The following NDUFS4 variants were observed in gnomAD, a reference collection of about 807,000 sequenced individuals.
NDUFS4 encodes the protein NADH dehydrogenase [ubiquinone] iron-sulfur protein 4, mitochondrial.
Under a neutral mutation model 24.3 loss-of-function variants are expected in NDUFS4, and 28 were observed. The observed-to-expected ratio is 1.15, with a 90% confidence interval of 0.85 to 1.58. The LOEUF is 1.58. NDUFS4 is among the 40% of genes most tolerant of loss of function. The pLI is 0.00. For missense variants in NDUFS4, 223 were observed against 207.9 expected, an observed-to-expected ratio of 1.07 and a Z score of -0.45; for synonymous variants, 93 against 69.7, an observed-to-expected ratio of 1.34 and a Z score of -1.67.
chr5:53,614,718 G>A (rs1579875197), intron 2 of NDUFS4, among the ~76,000 whole-genome samples: 1 of 152,068 alleles, frequency 6.6e-6, no homozygotes, highest in East Asian at 1.9e-4. Flanking sequence ...TTTAAGCAGA[G>A]TAACTGTGTC....
At chr5:53,627,006 A>G (rs556436022) in intron 2 of NDUFS4, among the ~76,000 whole-genome samples, 2 of 137,244 alleles carry the variant, frequency 1.5e-5, no homozygotes, top group African/African-American at 2.6e-5. Context: ...TAGGGTTTTT[A>G]TAGCTTTAGG....
chr5:53,564,137 T>A (rs190057838), intron 1 of NDUFS4, among the ~76,000 whole-genome samples: 2 of 152,180 alleles, frequency 1.3e-5, no homozygotes, highest in Non-Finnish European at 2.9e-5. Context: ...TCTGTGGCTT[T>A]ATTCTGTTGC....
chr5:53,640,083 T>A (rs1751668452), intron 2 of NDUFS4, among the ~76,000 whole-genome samples: 1 of 124,824 alleles, frequency 8.0e-6, no homozygotes, highest in Admixed American at 7.8e-5. Flanking sequence ...TTCAGATAGT[T>A]TTTTTTTTTC....
chr5:53,649,202 A>G (rs1751949651), intron 3 of NDUFS4, among the ~76,000 whole-genome samples: 1 of 152,096 alleles, frequency 6.6e-6, no homozygotes, highest in Non-Finnish European at 1.5e-5. Context: ...ATAATTGAAT[A>G]TTGTTCTTTT....
In NDUFS4 at chr5:53,655,455, C is replaced by A. The variant is rs1046336978; in HGVS notation, c.351-3096C>A. ...TTTTGCTTAACTTTGTGAGATTCAT[C>A]CATTCCATGCTATTTATTGATGGTT... On this transcript the variant is annotated intron_variant, in intron 3 of 4. Transcript: ENST00000296684. Among the ~76,000 whole-genome samples the A allele has an allele frequency of 4.7e-5, 7 of 150,450 alleles. No homozygotes were observed. The East Asian group carries it at 1.4e-3, about 29-fold the overall frequency.
chr5:53,669,644 G>C (rs1752610990), intron 4 of NDUFS4, among the ~76,000 whole-genome samples: 1 of 152,186 alleles, frequency 6.6e-6, no homozygotes, highest in Non-Finnish European at 1.5e-5. Context: ...GAAGCATGTT[G>C]AACACACCCT....
At chr5:53,581,064 C>G (rs1450451996) in intron 1 of NDUFS4, among the ~76,000 whole-genome samples, 1 of 152,098 alleles carries the variant, frequency 6.6e-6, no homozygotes, top group Non-Finnish European at 1.5e-5. Flanking sequence ...AGCTCCCAAC[C>G]TCAGGTGATC....
At chr5:53,592,523 T>C (rs1750005379) in intron 1 of NDUFS4, among the ~76,000 whole-genome samples, 1 of 152,190 alleles carries the variant, frequency 6.6e-6, no homozygotes. Flanking sequence ...TTTGATTGTT[T>C]TGCTTCCTAC....
At chr5:53,660,592 T>C (rs1477357087) in intron 4 of NDUFS4, among the ~76,000 whole-genome samples, 1 of 152,216 alleles carries the variant, frequency 6.6e-6, no homozygotes, top group Admixed American at 6.5e-5. Context: ...TCCACAATGG[T>C]TGAACTAGTT....
chr5:53,617,640 C>G (rs1750884027), intron 2 of NDUFS4, among the ~76,000 whole-genome samples: 1 of 152,138 alleles, frequency 6.6e-6, no homozygotes, highest in African/African-American at 2.4e-5. Context: ...GGAGCAACAT[C>G]AAAACTAGTG....
At chr5:53,625,297 A>G (rs1457176107) in intron 2 of NDUFS4, among the ~76,000 whole-genome samples, 1 of 152,002 alleles carries the variant, frequency 6.6e-6, no homozygotes, top group Non-Finnish European at 1.5e-5. Flanking sequence ...TATGATAATT[A>G]TCTTATCTTT....
chr5:53,666,211 A>G (rs1752508157), intron 4 of NDUFS4, among the ~76,000 whole-genome samples: 1 of 152,188 alleles, frequency 6.6e-6, no homozygotes, highest in South Asian at 2.1e-4. Flanking sequence ...CATGTCTGAC[A>G]CTTTGAAAAT....
Position 53,624,013 on chromosome 5 carries a change from G to A in NDUFS4, c.177+20483G>A, listed in dbSNP as rs191224250. Among the ~76,000 whole-genome samples, 17 of 152,178 alleles carry A rather than the reference G, an allele frequency of 1.1e-4. No individual in the cohort carries two copies. In the East Asian group the frequency reaches 1.7e-3, roughly 16 times the overall value. On this transcript the variant is annotated intron_variant, in intron 2 of 4. Coordinates refer to ENST00000296684, the MANE Select transcript of NDUFS4 (RefSeq NM_002495.4). ...ATTACAGGCATGAGCCACCACGCCC[G>A]GCCCTTTGATCCATTTTTAGTTAAC...
chr5:53,623,459 G>T (rs564652392), intron 2 of NDUFS4, among the ~76,000 whole-genome samples: 155 of 152,186 alleles, frequency 1.0e-3, no homozygotes, highest in African/African-American at 3.6e-3. Context: ...TTTGAATTAG[G>T]TGTTTGTTTT....
chr5:53,642,088 C>T (rs2112502238), intron 2 of NDUFS4, among the ~76,000 whole-genome samples: 1 of 152,198 alleles, frequency 6.6e-6, no homozygotes, highest in South Asian at 2.1e-4. Context: ...AAATGCATCC[C>T]AAAGTGCAAA....
intron 4 of NDUFS4, among the ~76,000 whole-genome samples, chr5:53,672,537 T>C (rs1740310337): frequency 6.6e-6 from 1 of 152,114 alleles, no homozygotes; most frequent in African/African-American, 2.4e-5. Context: ...GGAACTGATC[T>C]AAAATCTGAT....
At chr5:53,667,373 G>A (rs1752548591) in intron 4 of NDUFS4, among the ~76,000 whole-genome samples, 1 of 151,954 alleles carries the variant, frequency 6.6e-6, no homozygotes, top group Non-Finnish European at 1.5e-5. Context: ...GCTGAGGCAG[G>A]AGAATCGCTT....
At chr5:53,582,789 C>T (rs976973503) in intron 1 of NDUFS4, among the ~76,000 whole-genome samples, 1 of 152,078 alleles carries the variant, frequency 6.6e-6, no homozygotes, top group Non-Finnish European at 1.5e-5. Flanking sequence ...CAGTACTTAG[C>T]GTGTAATAGA....
chr5:53,641,149 CAT>C (rs1751695857), intron 2 of NDUFS4, among the ~76,000 whole-genome samples: 1 of 152,246 alleles, frequency 6.6e-6, no homozygotes, highest in Admixed American at 6.5e-5. Flanking sequence ...AACCACTTCA[CAT>C]ATGTTATTTA....
Sources: allele counts gnomAD v4.1 joint callset (sites outside exome capture counted in the v4.1 genomes callset), GRCh38; gene constraint gnomAD v4.1.1; transcripts MANE v1.5; gene names NCBI Gene and HGNC (gene_info 2026-07-23, HGNC 2026-07-21).